The following RBFOX3 variants were observed in gnomAD, a reference collection of about 807,000 sequenced individuals.
RBFOX3 encodes RNA binding fox-1 homolog 3.
In RBFOX3, 17 loss-of-function variants were observed where a neutral mutation model predicts 48.7. The ratio of observed to expected loss-of-function variants is 0.35; its 90% CI spans 0.24 to 0.52. The LOEUF (loss-of-function observed/expected upper bound fraction) is 0.52. Ranked by LOEUF, RBFOX3 falls within the 20% of genes least tolerant of loss-of-function variation. The pLI is 0.94. For missense variants in RBFOX3, 382 were observed against 497.5 expected (o/e 0.77, Z 2.21); for synonymous variants, 212 against 209.5 (o/e 1.01, Z -0.10).
At chr17:79,455,785 C>T (rs184099306) in intron 2 of RBFOX3, among the ~76,000 whole-genome samples, 23 of 152,332 alleles carry the variant, frequency 1.5e-4, no homozygotes, top group African/African-American at 3.1e-4. Context: ...TGCTGTCACA[C>T]GCACAGCCAC....
chr17:79,267,238 C>T (rs1488086927), intron 3 of RBFOX3, among the ~76,000 whole-genome samples: 2 of 152,204 alleles, frequency 1.3e-5, no homozygotes, highest in African/African-American at 4.8e-5. Context: ...CTCTCAGCCT[C>T]GGTTGGGGAG....
chr17:79,571,330 G>A (rs2092670246), intron 1 of RBFOX3, among the ~76,000 whole-genome samples: 1 of 152,108 alleles, frequency 6.6e-6, no homozygotes, highest in South Asian at 2.1e-4. Context: ...GCTGACCCCT[G>A]AGCAGAGCCC....
At chr17:79,337,524 C>T (rs960893530) in intron 2 of RBFOX3, among the ~76,000 whole-genome samples, 3 of 152,214 alleles carry the variant, frequency 2.0e-5, no homozygotes, top group African/African-American at 4.8e-5. Context: ...GCCTGTAATC[C>T]CAACACTTTG....
At chr17:79,579,879 T>C (rs1460424117) in intron 1 of RBFOX3, among the ~76,000 whole-genome samples, 1 of 31,974 alleles carries the variant, frequency 3.1e-5, no homozygotes, top group Non-Finnish European at 5.5e-5. Flanking sequence ...TGGTGGGGGG[T>C]CACTGGCACT....
At chr17:79,106,516 C>T (rs2077400061) in intron 6 of RBFOX3, 135 bp downstream of exon 6, 3 of 1,174,170 alleles carry the variant, frequency 2.6e-6, no homozygotes, top group Admixed American at 8.0e-5. Flanking sequence ...ATCCTGGGGC[C>T]CCGGAGGCTC....
chr17:79,521,992 T>C (rs2086177691), intron 1 of RBFOX3, among the ~76,000 whole-genome samples: 1 of 152,204 alleles, frequency 6.6e-6, no homozygotes, highest in Non-Finnish European at 1.5e-5. Flanking sequence ...AGGGCTCTGC[T>C]GCTGCTCCCG....
rs1277881409 is a variant in RBFOX3, at chr17:79,477,368, A to T, written c.-175+5086T>A. Among the ~76,000 whole-genome samples the T allele has an allele frequency of 4.0e-5, 6 of 151,840 alleles. No homozygotes were observed. The East Asian group carries it at 1.2e-3, about 29-fold the overall frequency. ...TCAGGAGATCGAGATCATCCTGGCT[A>T]ACACGGTGAAACCCCGTCTCTACTA... On this transcript the variant is annotated intron_variant, in intron 2 of 14. Transcript: ENST00000693108. This position sits in a 1 kb window ranked among gnomAD's most constrained non-coding sequence, Gnocchi z 4.8.
intron 3 of RBFOX3, among the ~76,000 whole-genome samples, chr17:79,291,251 C>T (rs1189992435): frequency 6.6e-6 from 1 of 152,182 alleles, no homozygotes; most frequent in Non-Finnish European, 1.5e-5. Context: ...ATGGAGCATT[C>T]TTTGTGAGGT....
chr17:79,376,615 C>T (rs1189006266), intron 2 of RBFOX3, among the ~76,000 whole-genome samples: 4 of 152,324 alleles, frequency 2.6e-5, no homozygotes, highest in African/African-American at 9.6e-5. Flanking sequence ...GCCCAGCCCA[C>T]TGCGTGTTTG....
intron 3 of RBFOX3, among the ~76,000 whole-genome samples, chr17:79,263,757 G>A (rs1453564307): frequency 2.0e-5 from 3 of 152,214 alleles, no homozygotes; most frequent in Admixed American, 6.5e-5. Context: ...CTGGATGAAC[G>A]CGCGCTTACG....
Position 79,423,414 on chromosome 17 carries a change from C to T in RBFOX3, c.-175+59040G>A, listed in dbSNP as rs116327823. 0.02 allele frequency among the ~76,000 whole-genome samples: 3,074 copies of T among 152,242 alleles called. 74 individuals are homozygous for T. Among genetic ancestry groups the T allele is most frequent in the Middle Eastern group, 0.051 (15 of 294 alleles). ...TGTGGTCCGGCGCCACCACCTCTGC[C>T]GGACGTTTGCTATCTCTCTACCTCC... On this transcript the variant is annotated intron_variant, in intron 2 of 14. Transcript: ENST00000693108. The surrounding 1 kb of genome is among the most constrained non-coding windows in gnomAD (Gnocchi z 4.9).
intron 1 of RBFOX3, among the ~76,000 whole-genome samples, chr17:79,546,568 C>T (rs1454571360): frequency 6.8e-6 from 1 of 146,828 alleles, no homozygotes; most frequent in African/African-American, 2.7e-5. Context: ...CGCTCCACGC[C>T]CATCCATCTG....
chr17:79,314,859 G>A (rs185605562), intron 2 of RBFOX3, among the ~76,000 whole-genome samples: 147 of 151,628 alleles, frequency 9.7e-4, no homozygotes, highest in African/African-American at 3.4e-3. Context: ...GGAGGGGAAC[G>A]GGGCTGGGTG....
rs145201275 is a variant in RBFOX3 at position 79,173,163 on chromosome 17, T to C, written c.-33-57415A>G. Among the ~76,000 whole-genome samples the C allele has an allele frequency of 4.0e-4, 60 of 150,136 alleles. 1 individual carries two copies. In the East Asian group the frequency reaches 8.7e-3, roughly 22 times the overall value. On this transcript the variant is annotated intron_variant, in intron 4 of 14. Transcript: ENST00000693108. ...AGGCAGAAGTTGCAGTGAGCCGAGA[T>C]TGCACCACTGCAGTCCAGCCTGGGA...
chr17:79,399,647 T>A (rs937608288), intron 2 of RBFOX3, among the ~76,000 whole-genome samples: 1 of 152,210 alleles, frequency 6.6e-6, no homozygotes, highest in Non-Finnish European at 1.5e-5. Context: ...TTTAATTTTG[T>A]GGGAAAAGTG....
At position 79,220,842 on chromosome 17, in the gene RBFOX3, C is replaced by A. The variant is rs2059635135; in HGVS notation, c.-34+14924G>T. On this transcript the variant is annotated intron_variant, in intron 4 of 14. Transcript: ENST00000693108. The surrounding 1 kb of genome is among the most constrained non-coding windows in gnomAD (Gnocchi z 5.9). ...GCTCCTGCAGAGGCGGGGCGGCTCT[C>A]CAGGCCTGGAGCGTGGGCCAATCAG... 6.6e-6 allele frequency among the ~76,000 whole-genome samples: 1 copy of A among 152,050 alleles called. No individual in the cohort carries two copies. Among genetic ancestry groups the A allele is most frequent in the Non-Finnish European group, 1.5e-5 (1 of 68,010 alleles).
chr17:79,290,109 G>T (rs1198227760), intron 3 of RBFOX3, among the ~76,000 whole-genome samples: 1 of 152,048 alleles, frequency 6.6e-6, no homozygotes, highest in East Asian at 1.9e-4. Context: ...GGGCAGGCAG[G>T]TGGTGGGAGA....
chr17:79,308,798 T>A (rs2076428060), intron 2 of RBFOX3, among the ~76,000 whole-genome samples: 1 of 151,808 alleles, frequency 6.6e-6, no homozygotes, highest in Non-Finnish European at 1.5e-5. Context: ...GATCTTGGAT[T>A]TCCCAGTCTC....
upstream of RBFOX3, among the ~76,000 whole-genome samples, chr17:79,612,368 C>T (rs2093975520): frequency 6.6e-6 from 1 of 152,174 alleles, no homozygotes; most frequent in East Asian, 1.9e-4. Flanking sequence ...GTGAAAAGCA[C>T]ATCATGGAAT....
Sources: allele counts gnomAD v4.1 joint callset (sites outside exome capture counted in the v4.1 genomes callset), GRCh38; gene constraint gnomAD v4.1.1; non-coding constraint Gnocchi (gnomAD v3.1); transcripts MANE v1.5; gene names NCBI Gene and HGNC (gene_info 2026-07-23, HGNC 2026-07-21).